MAP7D1: variants seen among roughly 807,000 people sequenced by gnomAD.
MAP7D1 encodes MAP7 domain-containing protein 1.
Under a neutral mutation model 97.5 loss-of-function variants are expected in MAP7D1, and 30 were observed. That is an observed-to-expected ratio of 0.31 (90% CI 0.23 to 0.42). The LOEUF (loss-of-function observed/expected upper bound fraction) is 0.42. Ranked by LOEUF, MAP7D1 falls within the 10% of genes least tolerant of loss-of-function variation. The pLI, the probability that MAP7D1 is intolerant of heterozygous loss-of-function variation, is 1.00. For missense variants in MAP7D1, 1,184 were observed against 1,179.5 expected, an observed-to-expected ratio of 1.00 and a Z score of -0.06; for synonymous variants, 536 against 477.1, an observed-to-expected ratio of 1.12 and a Z score of -1.61.
intron 1 of MAP7D1, among the ~76,000 whole-genome samples, chr1:36,164,359 A>G (rs1644448853): frequency 6.6e-6 from 1 of 152,150 alleles, no homozygotes; most frequent in African/African-American, 2.4e-5. Context: ...AGAACCATGC[A>G]AGGAAGTTTA....
Position 36,171,149 on chromosome 1 carries a change from C to T in MAP7D1, c.225C>T (p.Val75=), listed in dbSNP as rs761644572. 3.2e-5 allele frequency: 51 copies of T among 1,613,878 alleles called. No individual in the cohort carries two copies. Among genetic ancestry groups the T allele is most frequent in the Middle Eastern group, 1.6e-4 (1 of 6,084 alleles). ...PLEPESPSGQ[V]GPRPAPPQEE... is the part of the protein sequence containing the mutation. ...AACCAGAGAGCCCCTCAGGGCAGGT[C>T]GGGCCTAGGCCAGCCCCCCCGCAGG... The change falls in exon 2 of 17, where the codon GTC becomes GTT. Residue 75 remains valine (V), a synonymous_variant. Transcript: ENST00000474796.
Position 36,171,252 on chromosome 1 carries a change from C to G in MAP7D1, c.328C>G (p.Arg110Gly). 1.2e-6 allele frequency: 2 copies of G among 1,600,766 alleles called. No homozygotes were observed. Among genetic ancestry groups the G allele is most frequent in the South Asian group, 1.1e-5 (1 of 89,580 alleles). ...GGGCCCACGGGATGCCAGACCTCCT[C>G]GAAGGAGCAGCCAGCCATCTCCAAC... ...AMGPRDARPP[R>G]RSSQPSPTAV... Residue 110 changes from arginine to glycine, a missense_variant, in exon 2 of 17, where the codon CGA becomes GGA. Transcript: ENST00000474796.
chr1:36,180,468 G>T lies in MAP7D1; in HGVS notation c.*210G>T, dbSNP rs954503493. The T allele has an allele frequency of 6.2e-6, 4 of 641,798 alleles. No individual in the cohort carries two copies. Among genetic ancestry groups the T allele is most frequent in the Admixed American group, 5.3e-5 (2 of 37,484 alleles). 39.8% of individuals were successfully genotyped at this position (641,798 alleles called of 1,614,324 possible). ...CCTCAGTGCATTCGTGTGCTCGCACGCGCAGACATCCCTTCTCCCCCATAC... is the reference window on the plus strand; with the variant it reads ...CCTCAGTGCATTCGTGTGCTCGCACTCGCAGACATCCCTTCTCCCCCATAC... On this transcript the variant is annotated 3_prime_UTR_variant, in exon 17 of 17. Transcript: ENST00000474796.
chr1:36,159,820 A>G lies in MAP7D1; in HGVS notation c.46+3357A>G, dbSNP rs1204082317. ...GAAAGGATGAGTAGACGTTGGTGAG[A>G]CTGGCGCAGTGGGCTGTGGCCATAC... On this transcript the variant is annotated intron_variant, in intron 1 of 16. Coordinates refer to ENST00000474796, the MANE Select transcript of MAP7D1 (RefSeq NM_001388490.1). The surrounding 1 kb of genome is among the most constrained non-coding windows in gnomAD (Gnocchi z 5.4). Among the ~76,000 whole-genome samples, 2 of 152,116 alleles carry G rather than the reference A, an allele frequency of 1.3e-5. No homozygotes were observed. The highest frequency in any genetic ancestry group is 2.9e-5 in the Non-Finnish European group (2 of 68,016).
intron 1 of MAP7D1, chr1:36,157,366 A>G: frequency 6.6e-6 from 1 of 151,108 alleles, no homozygotes; most frequent in Non-Finnish European, 1.5e-5. Flanking sequence ...CTCCCCCCTT[A>G]CTCTCTTTTT....
chr1:36,158,795 T>G lies in MAP7D1; in HGVS notation c.46+2332T>G, dbSNP rs371687438. ...GGAGGGTGGGAGCAGGAATTGGAAG[T>G]CGATTTGTTTAAGAGTGTAGATTTT... On this transcript the variant is annotated intron_variant, in intron 1 of 16. Coordinates refer to ENST00000474796, the MANE Select transcript of MAP7D1 (RefSeq NM_001388490.1). Among the ~76,000 whole-genome samples the G allele has an allele frequency of 8.5e-5, 13 of 152,210 alleles. No individual in the cohort carries two copies. The East Asian group carries it at 1.7e-3, about 20-fold the overall frequency.
intron 13 of MAP7D1, 59 bp from the exon 14 acceptor site, chr1:36,179,456 T>C: frequency 6.3e-7 from 1 of 1,578,408 alleles, no homozygotes; most frequent in East Asian, 2.3e-5. Context: ...CCGAACTCAG[T>C]CCGAAGTGGC....
Position 36,176,235 on chromosome 1 carries a change from T to A in MAP7D1, c.887T>A (p.Ile296Asn), listed in dbSNP as rs1644617782. 6.2e-7 allele frequency: 1 copy of A among 1,608,572 alleles called. No individual in the cohort carries two copies. ...SLQLSAWESS[I>N]VDRLMTPTLS... ...CAGCTGAGCGCATGGGAGAGCAGCA[T>A]CGTGGATCGTCTGATGACGCCCACT... The change falls in exon 7 of 17, where the codon ATC becomes AAC. Residue 296 changes from isoleucine to asparagine, a missense_variant. Transcript: ENST00000474796. The surrounding 1 kb of genome is among the most constrained non-coding windows in gnomAD (Gnocchi z 6.1).
At position 36,180,403 on chromosome 1, in the gene MAP7D1, C is replaced by T; in HGVS notation, c.*145C>T. The T allele has an allele frequency of 9.2e-7, 1 of 1,084,344 alleles. No homozygotes were observed. Among genetic ancestry groups the T allele is most frequent in the South Asian group, 1.3e-5 (1 of 76,500 alleles). The allele number at this position is 1,084,344 out of a possible 1,614,324, so 67.2% of individuals were successfully genotyped here. A position where few individuals can be genotyped will look rare whatever the true frequency, so the allele number is the denominator to read the frequency against. ...CCTCTCTGTTGTTTTTAATCTGCACCTTATAGACTGATGTCTCTTTGGCCG... is the reference window on the plus strand; with the variant it reads ...CCTCTCTGTTGTTTTTAATCTGCACTTTATAGACTGATGTCTCTTTGGCCG... On this transcript the variant is annotated 3_prime_UTR_variant, in exon 17 of 17. Coordinates refer to ENST00000474796, the MANE Select transcript of MAP7D1 (RefSeq NM_001388490.1).
intron 1 of MAP7D1, among the ~76,000 whole-genome samples, chr1:36,160,895 G>A (rs770945848): frequency 6.6e-6 from 1 of 152,256 alleles, no homozygotes; most frequent in Non-Finnish European, 1.5e-5. Context: ...CCAGGTGGTG[G>A]TAATAGTCCA....
Position 36,174,974 on chromosome 1 carries a change from G to C in MAP7D1, c.816G>C (p.Lys272Asn). Residue 272 changes from lysine (K) to asparagine (N), a missense_variant, in exon 6 of 17, where the codon AAG (lysine) becomes AAC (asparagine). By Grantham distance (94) the Lys-to-Asn change is moderately conservative. Transcript: ENST00000474796. ...VDSIINKRLS[K>N]SSATLWNSPS... ...CTATAATCAACAAGCGGCTCTCAAA[G>C]TCCTCTGCCACGCTCTGGAACTCCC... 2.5e-6 allele frequency: 4 copies of C among 1,613,956 alleles called. No homozygotes were observed. Among genetic ancestry groups the C allele is most frequent in the Non-Finnish European group, 3.4e-6 (4 of 1,179,948 alleles).
rs1159953493 is a variant in MAP7D1 at position 36,173,422 on chromosome 1, A to G, written c.683A>G (p.Gln228Arg). The change falls in exon 5 of 17, where the codon CAG becomes CGG. Residue 228 changes from glutamine (Q) to arginine (R), a missense_variant. Physicochemically the swap from Gln to Arg is conservative, Grantham distance 43. Coordinates refer to ENST00000474796, the MANE Select transcript of MAP7D1 (RefSeq NM_001388490.1). ...AAGAAGACGTGGGCCGAAATCCGGC[A>G]GCAGCGCTGGTCCTGGGCAGGGGCC... ...SVKKTWAEIR[Q>R]QRWSWAGALH... is the part of the protein sequence containing the mutation. 2 of 1,614,052 alleles carry G rather than the reference A, an allele frequency of 1.2e-6. No homozygotes were observed. The highest frequency in any genetic ancestry group is 3.3e-5 in the Admixed American group (2 of 59,996).
intron 1 of MAP7D1, among the ~76,000 whole-genome samples, chr1:36,166,788 T>C (rs1454021706): frequency 1.3e-5 from 2 of 152,130 alleles, no homozygotes; most frequent in Non-Finnish European, 1.5e-5. Flanking sequence ...TCAGAGCTGA[T>C]AGTAGCTCTG....
Position 36,177,929 on chromosome 1 carries a change from C to T in MAP7D1, c.1436C>T (p.Ser479Phe). 1 of 1,572,922 alleles carries T rather than the reference C, an allele frequency of 6.4e-7. No individual in the cohort carries two copies. Among genetic ancestry groups the T allele is most frequent in the Non-Finnish European group, 8.6e-7 (1 of 1,157,546 alleles). The change falls in exon 9 of 17, where the codon TCC becomes TTC. Residue 479 changes from serine to phenylalanine, a missense_variant. Transcript: ENST00000474796. ...TCCACATCCTGGCACAGGCCTGCCT[C>T]CCCCTGCCCCAGCCCAGGGCCAGGC... ...SPSTSWHRPA[S>F]PCPSPGPGHT... is the part of the protein sequence containing the mutation.
intron 1 of MAP7D1, among the ~76,000 whole-genome samples, chr1:36,169,875 T>G (rs1182346679): frequency 6.6e-6 from 1 of 152,162 alleles, no homozygotes; most frequent in Admixed American, 6.5e-5. Flanking sequence ...GGGCCTGTAA[T>G]CCCAGCTACT....
Position 36,170,985 on chromosome 1 carries a change from AC to A in MAP7D1, c.68del (p.Pro23GlnfsTer33), listed in dbSNP as rs761388884. 219 of 1,106,172 alleles carry A rather than the reference AC, an allele frequency of 2.0e-4. No homozygotes were observed. The highest frequency in any genetic ancestry group is 2.5e-4 in the Non-Finnish European group (191 of 753,202). 68.5% of individuals were successfully genotyped at this position (1,106,172 alleles called of 1,614,324 possible). A position where few individuals can be genotyped will look rare whatever the true frequency, so the allele number is the denominator to read the frequency against. Reference protein sequence around the residue: ...AGAPPAVVARTPPEPRPSPEG... With the variant: ...AGAPPAVVARXPPEPRPSPEG... ...TGGTCTTTCAGCTGTGGTCGCCAGGACCCCCCCAGAGCCAAGACCTTCTCCA... is the reference window on the plus strand; with the variant it reads ...TGGTCTTTCAGCTGTGGTCGCCAGGACCCCCCAGAGCCAAGACCTTCTCCA... On this transcript the variant is annotated frameshift_variant, in exon 2 of 17. Coordinates refer to ENST00000474796, the MANE Select transcript of MAP7D1 (RefSeq NM_001388490.1). LOFTEE classifies it high-confidence loss of function.
intron 1 of MAP7D1, among the ~76,000 whole-genome samples, chr1:36,161,876 T>TTTCCTCTGC: frequency 9.2e-6 from 1 of 109,234 alleles, no homozygotes; most frequent in African/African-American, 3.2e-5. Flanking sequence ...TGTGTGTGTG[T>TTTCCTCTGC]ATGTGTGTGT....
chr1:36,176,095 A>G lies in MAP7D1; in HGVS notation c.851-104A>G. ...GTGGGGAGAGGACTCCCGGGTGAGAAGCCTTGGCCTTGGCATGGGGATGGT... is the reference window on the plus strand; with the variant it reads ...GTGGGGAGAGGACTCCCGGGTGAGAGGCCTTGGCCTTGGCATGGGGATGGT... On this transcript the variant is annotated intron_variant, in intron 6 of 16. Transcript: ENST00000474796. The surrounding 1 kb of genome is among the most constrained non-coding windows in gnomAD (Gnocchi z 6.1). 4.6e-6 allele frequency: 6 copies of G among 1,316,762 alleles called. No individual in the cohort carries two copies. Among genetic ancestry groups the G allele is most frequent in the Non-Finnish European group, 6.2e-6 (6 of 970,024 alleles). 81.6% of individuals were successfully genotyped at this position (1,316,762 alleles called of 1,614,324 possible).
rs1232282867 is a variant in MAP7D1, at chr1:36,178,931, C to T, written c.2036C>T (p.Ala679Val). The change falls in exon 12 of 17, where the codon GCC (alanine) becomes GTC (valine). Residue 679 changes from alanine (A) to valine (V), a missense_variant. Physicochemically the swap from Ala to Val is moderately conservative, Grantham distance 64. Coordinates refer to ENST00000474796, the MANE Select transcript of MAP7D1 (RefSeq NM_001388490.1). ...GGGGGTCTTTGGCAGAAAGAGGAGG[C>T]CGAAGCTCGGTCGCGGGAAGAGGCG... is the stretch of plus-strand genomic sequence containing the variant. ...QERLQKQKEEAEARSREEAER... is the reference protein window; with the variant it reads ...QERLQKQKEEVEARSREEAER... 1.3e-6 allele frequency: 2 copies of T among 1,555,234 alleles called. No individual in the cohort carries two copies. Among genetic ancestry groups the T allele is most frequent in the East Asian group, 2.4e-5 (1 of 41,258 alleles).
Sources: allele counts gnomAD v4.1 joint callset (sites outside exome capture counted in the v4.1 genomes callset), GRCh38; gene constraint gnomAD v4.1.1; non-coding constraint Gnocchi (gnomAD v3.1); transcripts MANE v1.5; gene names NCBI Gene and HGNC (gene_info 2026-07-23, HGNC 2026-07-21).